SYNE1: variants seen among roughly 807,000 people sequenced by gnomAD.
SYNE1 encodes the protein nesprin-1.
Under a neutral mutation model 1,111.0 loss-of-function variants are expected in SYNE1, and 616 were observed. The observed-to-expected ratio is 0.55, with a 90% CI of 0.52 to 0.59. SYNE1 has a LOEUF of 0.59. Ranked by LOEUF, SYNE1 falls within the 20% of genes least tolerant of loss-of-function variation. The pLI, the probability that SYNE1 is intolerant of heterozygous loss-of-function variation, is 0.00. For synonymous variants in SYNE1, 3,855 were observed against 3,825.8 expected (o/e 1.01, Z -0.28); for missense variants, 10,006 against 10,417.0 (o/e 0.96, Z 1.72).
intron 133 of SYNE1, 125 bp from the exon 134 acceptor site, chr6:152,152,266 A>T: frequency 1.2e-6 from 1 of 857,398 alleles, no homozygotes; most frequent in African/African-American, 1.6e-5. Context: ...GGAAAGAATG[A>T]TGTCTAATAA....
At chr6:152,620,659 T>C (rs902225157) in intron 3 of SYNE1, among the ~76,000 whole-genome samples, 1 of 152,148 alleles carries the variant, frequency 6.6e-6, no homozygotes, top group Admixed American at 6.6e-5. Context: ...ATATCTAGAA[T>C]ATTACCACCT....
rs112761524 is a variant in SYNE1, at chr6:152,348,704, A to T, written c.11901+1464T>A. 9.2e-3 allele frequency among the ~76,000 whole-genome samples: 1,393 copies of T among 151,266 alleles called. 14 individuals are homozygous for T. The highest frequency in any genetic ancestry group is 0.017 in the Middle Eastern group (5 of 294). On this transcript the variant is annotated intron_variant, in intron 72 of 145. Coordinates refer to ENST00000367255, the MANE Select transcript of SYNE1 (RefSeq NM_182961.4). ...CTGTCTCAAAAAAATAAAATAAAAT[A>T]AAAATAAATAAATACATAAATAAAT... is the stretch of plus-strand genomic sequence containing the variant.
intron 107 of SYNE1, 80 bp from the exon 108 acceptor site, chr6:152,239,786 C>A: frequency 6.8e-7 from 1 of 1,473,710 alleles, no homozygotes; most frequent in South Asian, 1.2e-5. Context: ...GGGCCGGGTG[C>A]GGTGGCTCAC....
chr6:152,135,007 A>G (rs1340900763), intron 142 of SYNE1, 97 bp downstream of exon 142: 4 of 1,568,940 alleles, frequency 2.5e-6, no homozygotes. Flanking sequence ...AAAGTTAAAA[A>G]AAAAGAAACA....
At chr6:152,416,253 T>G in intron 41 of SYNE1, 134 bp downstream of exon 41, 1 of 1,262,334 alleles carries the variant, frequency 7.9e-7, no homozygotes, top group Non-Finnish European at 1.1e-6. Flanking sequence ...TTAATTTCTT[T>G]CTTTTGGCAG....
At chr6:152,489,668 CACTT>C (rs1042371791) in intron 11 of SYNE1, among the ~76,000 whole-genome samples, 22 of 152,280 alleles carry the variant, frequency 1.4e-4, no homozygotes, top group Middle Eastern at 3.4e-3. Context: ...TCTGCCTAAA[CACTT>C]ACCACATTTT....
At chr6:152,303,007 T>C (rs547254448) in intron 91 of SYNE1, among the ~76,000 whole-genome samples, 1 of 152,112 alleles carries the variant, frequency 6.6e-6, no homozygotes, top group East Asian at 1.9e-4. Context: ...ATATTTTAAG[T>C]ATCAAATATT....
intron 30 of SYNE1, among the ~76,000 whole-genome samples, chr6:152,443,913 T>C (rs17054427): frequency 0.044 from 6,727 of 152,324 alleles, 173 homozygotes; most frequent in Non-Finnish European, 0.055. Context: ...TCTTTATTTC[T>C]AGTTCTAATC....
intron 60 of SYNE1, 58 bp downstream of exon 60, chr6:152,369,413 C>A (rs1456731886): frequency 4.0e-5 from 65 of 1,612,338 alleles, no homozygotes; most frequent in Non-Finnish European, 5.3e-5. Flanking sequence ...TCTGTAAGGT[C>A]GACAGAGGAC....
At chr6:152,123,968 T>G (rs2052403032) in intron 145 of SYNE1, among the ~76,000 whole-genome samples, 1 of 152,172 alleles carries the variant, frequency 6.6e-6, no homozygotes, top group Non-Finnish European at 1.5e-5. Context: ...TAAAAACAGA[T>G]AGAATCCCCT....
Position 152,284,025 on chromosome 6 carries a change from T to G in SYNE1, c.18160A>C (p.Met6054Leu), listed in dbSNP as rs2094180809. The G allele has an allele frequency of 6.2e-7, 1 of 1,614,220 alleles. No homozygotes were observed. The highest frequency in any genetic ancestry group is 8.5e-7 in the Non-Finnish European group (1 of 1,180,032). Residue 6054 changes from methionine (M) to leucine (L), a missense_variant, in exon 96 of 146, where the codon ATG (methionine) becomes CTG (leucine). Transcript: ENST00000367255. ...QSTLTVLAERMSTIRMKASGK... is the reference protein window; with the variant it reads ...QSTLTVLAERLSTIRMKASGK... The stretch of plus-strand genomic sequence containing the variant: ...GAGGCTTTCATCCTGATGGTGGACA[T>G]TCGCTCGGCTAAGACAGTGAGCGTG...
Position 152,379,394 on chromosome 6 carries a change from C to A in SYNE1, c.9009+1612G>T, listed in dbSNP as rs59807633. 3.4e-3 allele frequency among the ~76,000 whole-genome samples: 519 copies of A among 152,072 alleles called. 5 individuals are homozygous for A. The highest frequency in any genetic ancestry group is 0.011 in the African/African-American group (471 of 41,528). Reference sequence around the variant, plus strand: ...TATTTTTACAATATTATATTATATACTTTATAGATCATCTGTTTTTATGTT... The same window carrying A: ...TATTTTTACAATATTATATTATATAATTTATAGATCATCTGTTTTTATGTT... On this transcript the variant is annotated intron_variant, in intron 56 of 145. Coordinates refer to ENST00000367255, the MANE Select transcript of SYNE1 (RefSeq NM_182961.4).
At chr6:152,493,949 A>G (rs1283495721) in intron 11 of SYNE1, among the ~76,000 whole-genome samples, 3 of 152,076 alleles carry the variant, frequency 2.0e-5, no homozygotes, top group Non-Finnish European at 4.4e-5. Flanking sequence ...ACTGTCCTAA[A>G]AGCTGCTCAC....
Position 152,236,186 on chromosome 6 carries a change from C to T in SYNE1, c.20317G>A (p.Gly6773Arg). The T allele has an allele frequency of 6.2e-7, 1 of 1,614,126 alleles. No individual in the cohort carries two copies. The highest frequency in any genetic ancestry group is 1.1e-5 in the South Asian group (1 of 91,086). ...TTGGTGTTACTTAGCCAGCACTCTC[C>T]AAGTTGATTTAGTTGGCTTTCTAGA... ...SDLESQLNQL[G>R]ECWLSNTNKM... The change falls in exon 110 of 146, where the codon GGA (glycine) becomes AGA (arginine). Residue 6773 changes from glycine (G) to arginine (R), a missense_variant. Gly to Arg is a moderately radical substitution (Grantham distance 125). Around this residue, in one of 7 missense-constraint regions of SYNE1, gnomAD observed 2,182 missense variants for 2,287.8 expected, o/e 0.95. Transcript: ENST00000367255.
In SYNE1 at chr6:152,367,246, A is replaced by G; in HGVS notation, c.9944T>C (p.Val3315Ala). 1.9e-6 allele frequency: 3 copies of G among 1,614,238 alleles called. No homozygotes were observed. The highest frequency in any genetic ancestry group is 1.7e-6 in the Non-Finnish European group (2 of 1,180,042). The change falls in exon 62 of 146, where the codon GTG (valine) becomes GCG (alanine). Residue 3315 changes from valine (V) to alanine (A), a missense_variant. Physicochemically the swap from Val to Ala is moderately conservative, Grantham distance 64. Around this residue, in one of 7 missense-constraint regions of SYNE1, gnomAD observed 4,955 missense variants for 5,017.2 expected, o/e 0.99. Transcript: ENST00000367255. ...GAGCTTGAGCGTCCTGCTGTCCAGC[A>G]CACTTTTGTCGGATGTCGGGTGGCA... ...SYCHPTSDKSVLDSRTLKLEA... is the reference protein window; with the variant it reads ...SYCHPTSDKSALDSRTLKLEA...
intron 100 of SYNE1, among the ~76,000 whole-genome samples, chr6:152,265,408 A>G (rs891593884): frequency 6.6e-6 from 1 of 152,100 alleles, no homozygotes; most frequent in African/African-American, 2.4e-5. Flanking sequence ...AAATGCCAAA[A>G]CATAATTGAT....
rs1411472035 is a variant in SYNE1, at chr6:152,329,829, G to A, written c.14856C>T (p.Phe4952=). ...CAGAAATCAGCTCCTTGGCCTTTGT[G>A]AACTTCTCCTTTTCCTTGTGACTCA... ...NALSHKEKEK[F]TKAKELISAD... is the part of the protein sequence containing the mutation. The change falls in exon 78 of 146, where the codon TTC becomes TTT. Residue 4952 remains phenylalanine, a synonymous_variant. Transcript: ENST00000367255. 8 of 1,614,032 alleles carry A rather than the reference G, an allele frequency of 5.0e-6. No individual in the cohort carries two copies. In the African/African-American group the frequency reaches 9.3e-5, roughly 19 times the overall value.
intron 3 of SYNE1, among the ~76,000 whole-genome samples, chr6:152,622,394 AT>A (rs1015313720): frequency 6.6e-6 from 1 of 151,904 alleles, no homozygotes; most frequent in Non-Finnish European, 1.5e-5. Context: ...CTTATTAGTT[AT>A]TTTTCTGATC....
intron 3 of SYNE1, among the ~76,000 whole-genome samples, chr6:152,555,595 G>T (rs1463452605): frequency 6.6e-6 from 1 of 152,048 alleles, no homozygotes; most frequent in Admixed American, 6.6e-5. Context: ...ATACCTGATT[G>T]CATTTTAAAT....
Sources: gnomAD v4.1 joint callset for allele counts (sites outside exome capture counted in the v4.1 genomes callset) on GRCh38, gnomAD v4.1.1 for gene constraint, gnomAD v4.1.1 regional missense constraint, MANE v1.5 for transcripts, NCBI Gene and HGNC (gene_info 2026-07-23, HGNC 2026-07-21) for gene names.